Variants in PXDN observed in about 807,000 individuals in gnomAD.
The protein encoded by PXDN is peroxidasin homolog.
In PXDN, 77 loss-of-function variants were observed where a neutral mutation model predicts 140.3. The observed-to-expected ratio is 0.55, with a 90% CI of 0.46 to 0.66. The LOEUF is 0.66. Among genes scored for constraint, PXDN ranks in the 30% least tolerant of loss-of-function variants. PXDN has a pLI of 0.00. For synonymous variants in PXDN, 911 were observed against 857.4 expected, an observed-to-expected ratio of 1.06 and a Z score of -1.09; for missense variants, 1,838 against 2,039.5, an observed-to-expected ratio of 0.90 and a Z score of 1.90.
chr2:1,721,051 A>G lies in PXDN; in HGVS notation c.200+23205T>C, dbSNP rs577060184. On this transcript the variant is annotated intron_variant, in intron 1 of 22. Transcript: ENST00000252804. ...TAACTGGACGAGGTCCACCCACACC[A>G]CAGAGGACAGTCGGCTCTACTCAAA... Among the ~76,000 whole-genome samples the G allele has an allele frequency of 4.6e-5, 7 of 152,288 alleles. No individual in the cohort carries two copies. The South Asian group carries it at 1.2e-3, about 27-fold the overall frequency.
chr2:1,740,027 G>A (rs1685504287), intron 1 of PXDN, among the ~76,000 whole-genome samples: 1 of 152,246 alleles, frequency 6.6e-6, no homozygotes. Flanking sequence ...AGAGGCCCCA[G>A]GCTCCCACTC....
rs73180706 is a variant in PXDN at position 1,673,337 on chromosome 2, G to T, written c.1018+306C>A. ...TGTCCCTTCAGATGGCGCCTGGGGG[G>T]TGGGGTCGGTGGGTCAGGGTGTGGC... On this transcript the variant is annotated intron_variant, in intron 9 of 22. Transcript: ENST00000252804. 0.027 allele frequency among the ~76,000 whole-genome samples: 4,178 copies of T among 152,136 alleles called. 191 individuals carry two copies. Among genetic ancestry groups the T allele is most frequent in the African/African-American group, 0.096 (3,988 of 41,470 alleles).
chr2:1,686,396 T>C (rs1051207616), intron 4 of PXDN, among the ~76,000 whole-genome samples: 3 of 150,552 alleles, frequency 2.0e-5, no homozygotes, highest in African/African-American at 7.3e-5. Context: ...GATTCACAGA[T>C]GCCCTTCCTC....
chr2:1,744,627 G>A, upstream of PXDN: 1 of 568,188 alleles, frequency 1.8e-6, no homozygotes, highest in Non-Finnish European at 2.5e-6. Flanking sequence ...GGCGGGGCGG[G>A]GCGAGAACCC....
At chr2:1,692,973 A>G (rs1684218129) in intron 2 of PXDN, 90 bp downstream of exon 2, 1 of 1,279,086 alleles carries the variant, frequency 7.8e-7, no homozygotes, top group African/African-American at 1.5e-5. Context: ...ACCCAAGCCC[A>G]CTGATTGTGG....
At position 1,648,368 on chromosome 2, in the gene PXDN, C is replaced by A. The variant is rs1558488289; in HGVS notation, c.3412G>T (p.Glu1138Ter). 1 of 1,613,338 alleles carries A rather than the reference C, an allele frequency of 6.2e-7. No individual in the cohort carries two copies. Among genetic ancestry groups the A allele is most frequent in the Admixed American group, 1.7e-5 (1 of 59,996 alleles). Residue 1138 changes from glutamate (E) to a stop codon, truncating the protein, a stop_gained, in exon 17 of 23, where the codon GAG becomes TAG. Transcript: ENST00000252804. LOFTEE classifies it high-confidence loss of function. This position sits in a 1 kb window ranked among gnomAD's most constrained non-coding sequence, Gnocchi z 8.9. ...MRVPSQLLNT[E>*]LTERLFSMAH... ...ATGGAGAACAGCCGCTCCGTGAGCT[C>A]CGTGTTCAGCAGCTGCGAGGGCACA...
chr2:1,675,049 C>T (rs1683666441), intron 8 of PXDN, among the ~76,000 whole-genome samples: 1 of 138,632 alleles, frequency 7.2e-6, no homozygotes, highest in Admixed American at 7.8e-5. Context: ...TCCTCATGCT[C>T]TCCTCGCCTG....
At chr2:1,634,387 G>A (rs1443840520) in intron 22 of PXDN, 64 bp from the exon 23 acceptor site, 2 of 1,510,840 alleles carry the variant, frequency 1.3e-6, no homozygotes, top group Non-Finnish European at 8.9e-7. Context: ...AGCAAAGCCT[G>A]TCAGCTCCGG....
At chr2:1,665,875 A>T (rs1311679042) in intron 10 of PXDN, among the ~76,000 whole-genome samples, 2 of 152,216 alleles carry the variant, frequency 1.3e-5, no homozygotes, top group African/African-American at 4.8e-5. Flanking sequence ...AAGGTGTATC[A>T]ACCACCTTAC....
chr2:1,632,989 A>C lies in PXDN; in HGVS notation c.*1215T>G, dbSNP rs970296233. 1 of 152,590 alleles carries C rather than the reference A, an allele frequency of 6.6e-6. No homozygotes were observed. The highest frequency in any genetic ancestry group is 2.4e-5 in the African/African-American group (1 of 41,424). 9.5% of individuals were successfully genotyped at this position (152,590 alleles called of 1,614,324 possible). ...CAGATCGCTTTGTATTTAGAGAAAA[A>C]TGGAAGGTTTTGGTCAATTAAAGAG... On this transcript the variant is annotated 3_prime_UTR_variant, in exon 23 of 23. Transcript: ENST00000252804. This position sits in a 1 kb window ranked among gnomAD's most constrained non-coding sequence, Gnocchi z 4.3.
chr2:1,707,085 T>A (rs111850414), intron 1 of PXDN, among the ~76,000 whole-genome samples: 29 of 50,600 alleles, frequency 5.7e-4, no homozygotes, highest in African/African-American at 1.1e-3. Flanking sequence ...CCCCACTAAT[T>A]ATACAATCTA....
At chr2:1,729,766 C>T (rs961569717) in intron 1 of PXDN, among the ~76,000 whole-genome samples, 12 of 152,156 alleles carry the variant, frequency 7.9e-5, no homozygotes, top group African/African-American at 2.7e-4. Flanking sequence ...TCTAGACAGA[C>T]ACACACAAAA....
intron 2 of PXDN, 114 bp from the exon 3 acceptor site, chr2:1,692,113 C>G: frequency 1.3e-6 from 1 of 751,004 alleles, no homozygotes; most frequent in Non-Finnish European, 2.2e-6. Flanking sequence ...CAGTTACAGC[C>G]TCGCCATCAA....
Position 1,687,619 on chromosome 2 carries a change from A to G in PXDN, c.416+13T>C. 1 of 1,482,592 alleles carries G rather than the reference A, an allele frequency of 6.7e-7. No individual in the cohort carries two copies. The highest frequency in any genetic ancestry group is 1.7e-4 in the Middle Eastern group (1 of 5,762). The allele number at this position is 1,482,592 out of a possible 1,614,324, so 91.8% of individuals were successfully genotyped here. A position where few individuals can be genotyped will look rare whatever the true frequency, so the allele number is the denominator to read the frequency against. On this transcript the variant is annotated intron_variant, in intron 4 of 22. Transcript: ENST00000252804. The surrounding 1 kb of genome is among the most constrained non-coding windows in gnomAD (Gnocchi z 4.0). ...CATCCAAGAACTAAAGCACGAAGAG[A>G]AGGGGCACTTACAGTTGCTCTAGAG...
Position 1,692,723 on chromosome 2 carries a change from C to T in PXDN, c.272+340G>A, listed in dbSNP as rs559722731. 6.4e-5 allele frequency among the ~76,000 whole-genome samples: 9 copies of T among 139,882 alleles called. No individual in the cohort carries two copies. In the South Asian group the frequency reaches 1.7e-3, roughly 26 times the overall value. 91.8% of individuals were successfully genotyped at this position (139,882 alleles called of 152,430 possible). A position where few individuals can be genotyped will look rare whatever the true frequency, so the allele number is the denominator to read the frequency against. On this transcript the variant is annotated intron_variant, in intron 2 of 22. Coordinates refer to ENST00000252804, the MANE Select transcript of PXDN (RefSeq NM_012293.3). ...AGCACTGTCCTGCTCAATCTTGCCACGGAGGAGGTGCAGGAACACACAGAG... is the reference window on the plus strand; with the variant it reads ...AGCACTGTCCTGCTCAATCTTGCCATGGAGGAGGTGCAGGAACACACAGAG...
intron 1 of PXDN, among the ~76,000 whole-genome samples, chr2:1,710,401 C>T (rs1049680662): frequency 1.3e-5 from 2 of 152,140 alleles, no homozygotes; most frequent in African/African-American, 2.4e-5. Flanking sequence ...CAGCAGCACA[C>T]GGTGGTGGTA....
chr2:1,679,123 TA>T (rs1219631596), intron 7 of PXDN, among the ~76,000 whole-genome samples: 2 of 148,844 alleles, frequency 1.3e-5, no homozygotes, highest in African/African-American at 2.5e-5. Flanking sequence ...TGTGTGTCTA[TA>T]AATGGTGTGT....
At chr2:1,671,538 T>C (rs1683576287) in intron 9 of PXDN, among the ~76,000 whole-genome samples, 1 of 152,140 alleles carries the variant, frequency 6.6e-6, no homozygotes, top group South Asian at 2.1e-4. Context: ...GCTGCTGTAT[T>C]TATCTTACAA....
At chr2:1,654,677 G>A (rs536129360) in intron 14 of PXDN, among the ~76,000 whole-genome samples, 169 bp from the exon 15 acceptor site, 16 of 152,258 alleles carry the variant, frequency 1.1e-4, no homozygotes, top group African/African-American at 2.2e-4. Context: ...ACTAGAAGCC[G>A]TTTCAGACAG....
Sources: gnomAD v4.1 joint callset for allele counts (sites outside exome capture counted in the v4.1 genomes callset) on GRCh38, gnomAD v4.1.1 for gene constraint, Gnocchi (gnomAD v3.1) non-coding constraint, MANE v1.5 for transcripts, NCBI Gene and HGNC (gene_info 2026-07-23, HGNC 2026-07-21) for gene names.